Variants in ROBO2 observed in about 807,000 individuals in gnomAD.
ROBO2 encodes roundabout guidance receptor 2, also known as roundabout homolog 2.
Under a neutral mutation model 160.8 loss-of-function variants are expected in ROBO2, and 53 were observed. The ratio of observed to expected loss-of-function variants is 0.33; its 90% confidence interval spans 0.26 to 0.41. The LOEUF (loss-of-function observed/expected upper bound fraction) is 0.41, where lower values mean the gene tolerates loss of function less well. Among genes scored for constraint, ROBO2 ranks in the 10% least tolerant of loss-of-function variants. The pLI is 1.00. For missense variants in ROBO2, 1,577 were observed against 1,722.4 expected (o/e 0.92, Z 1.49); for synonymous variants, 664 against 611.7 (o/e 1.09, Z -1.26).
At chr3:76,644,927 C>T (rs1368522017) in intron 2 of ROBO2, among the ~76,000 whole-genome samples, 4 of 152,180 alleles carry the variant, frequency 2.6e-5, no homozygotes, top group Admixed American at 1.3e-4. Context: ...AATGGGCACT[C>T]AGAATTTTCT....
At chr3:76,855,875 A>G (rs1363097790) in intron 2 of ROBO2, among the ~76,000 whole-genome samples, 1 of 152,232 alleles carries the variant, frequency 6.6e-6, no homozygotes, top group East Asian at 1.9e-4. Flanking sequence ...AGCCAGAAAA[A>G]AAATGACTAA....
rs186076453 is a variant in ROBO2, at chr3:76,211,606, A to T, written c.109+274004A>T. 1.4e-3 allele frequency among the ~76,000 whole-genome samples: 217 copies of T among 152,238 alleles called. 1 individual carries two copies. The highest frequency in any genetic ancestry group is 4.9e-3 in the African/African-American group (203 of 41,584). ...TTTTTAGCATCATAGAAGACAAATC[A>T]TAATTATGGAGAATAATTAAATGCT... On this transcript the variant is annotated intron_variant, in intron 2 of 26. Coordinates refer to the ROBO2 transcript ENST00000487694.
chr3:76,768,317 C>T (rs796316247), intron 2 of ROBO2, among the ~76,000 whole-genome samples: 42 of 151,490 alleles, frequency 2.8e-4, no homozygotes, highest in African/African-American at 9.7e-4. Flanking sequence ...ATAATTTGCT[C>T]CAGGCAGCAT....
chr3:76,417,207 A>C (rs1035188497), intron 2 of ROBO2, among the ~76,000 whole-genome samples: 19 of 152,214 alleles, frequency 1.2e-4, no homozygotes, highest in African/African-American at 4.6e-4. Context: ...ATTGCCATAG[A>C]AATAACCTAA....
At position 77,009,945 on chromosome 3, in the gene ROBO2, TAA is replaced by T. The variant is rs11436984; in HGVS notation, c.110-88048_110-88047del. Among the ~76,000 whole-genome samples the T allele has an allele frequency of 3.9e-4, 41 of 104,444 alleles. No individual in the cohort carries two copies. The East Asian group carries it at 5.1e-3, about 13-fold the overall frequency. The allele number at this position is 104,444 out of a possible 152,430, so 68.5% of individuals were successfully genotyped here. ...TGAGTGACAGAGTGAGACTCTGTCT[TAA>T]AAAAAAAAAAAAAAAAAAAAGTCAC... On this transcript the variant is annotated intron_variant, in intron 2 of 26. Transcript: ENST00000487694.
rs138257088 is a variant in ROBO2 at position 76,347,413 on chromosome 3, T to G, written c.109+409811T>G. ...TTGTGTGTGATGATGTTAGTGTGTG[T>G]GCATTTTTAGGTGTGAATTCTCACT... On this transcript the variant is annotated intron_variant, in intron 2 of 26. Transcript: ENST00000487694. 2.2e-4 allele frequency among the ~76,000 whole-genome samples: 33 copies of G among 152,256 alleles called. No homozygotes were observed. In the East Asian group the frequency reaches 5.8e-3, roughly 27 times the overall value.
At chr3:76,534,673 G>A (rs1322350153) in intron 2 of ROBO2, among the ~76,000 whole-genome samples, 2 of 152,086 alleles carry the variant, frequency 1.3e-5, no homozygotes, top group African/African-American at 4.8e-5. Flanking sequence ...CAAACATGTG[G>A]AACTGGCCCC....
chr3:76,888,179 C>G (rs1245087542), intron 2 of ROBO2, among the ~76,000 whole-genome samples: 2 of 152,010 alleles, frequency 1.3e-5, no homozygotes, highest in African/African-American at 4.8e-5. Context: ...ACCAGCCTGG[C>G]TAATGTGGTG....
At chr3:77,570,755 A>C (rs994384221) in intron 13 of ROBO2, among the ~76,000 whole-genome samples, 1 of 152,010 alleles carries the variant, frequency 6.6e-6, no homozygotes, top group African/African-American at 2.4e-5. Flanking sequence ...TAAATTATCA[A>C]AATGTTAGCA....
intron 2 of ROBO2, among the ~76,000 whole-genome samples, chr3:77,181,254 CTCAATT>C (rs2080754868): frequency 6.6e-6 from 1 of 152,060 alleles, no homozygotes; most frequent in Non-Finnish European, 1.5e-5. Context: ...TCCTGTTAGG[CTCAATT>C]AGATGATGTA....
At chr3:77,163,070 A>G (rs1323661901) in intron 2 of ROBO2, among the ~76,000 whole-genome samples, 1 of 152,048 alleles carries the variant, frequency 6.6e-6, no homozygotes, top group East Asian at 1.9e-4. Flanking sequence ...TCCTGACCTC[A>G]GGTGATCCGC....
rs539620383 is a variant in ROBO2 at position 77,293,632 on chromosome 3, G to A, written c.389-183782G>A. ...CACAAAGTAAAATTGACGGTTAAAC[G>A]GGTAAGCTGAGGCTAGATCACCCAG... On this transcript the variant is annotated intron_variant, in intron 2 of 25. Coordinates refer to ENST00000461745, the Ensembl canonical transcript of ROBO2. 3.5e-5 allele frequency among the ~76,000 whole-genome samples: 5 copies of A among 144,098 alleles called. No individual in the cohort carries two copies. In the South Asian group the frequency reaches 6.6e-4, roughly 19 times the overall value. 94.5% of individuals were successfully genotyped at this position (144,098 alleles called of 152,430 possible).
intron 2 of ROBO2, among the ~76,000 whole-genome samples, chr3:77,031,354 C>T (rs2149554250): frequency 6.6e-6 from 1 of 151,288 alleles, no homozygotes; most frequent in Non-Finnish European, 1.5e-5. Context: ...CAAAAAAACA[C>T]ACTTTTCTCT....
At chr3:77,376,593 C>T (rs939634421) in intron 2 of ROBO2, among the ~76,000 whole-genome samples, 1 of 152,136 alleles carries the variant, frequency 6.6e-6, no homozygotes. Flanking sequence ...AGTCACTTTC[C>T]TAGAAGCCGT....
chr3:77,361,046 G>C (rs2069908657), intron 2 of ROBO2, among the ~76,000 whole-genome samples: 1 of 151,948 alleles, frequency 6.6e-6, no homozygotes, highest in Non-Finnish European at 1.5e-5. Context: ...TTTCTATCAG[G>C]CATATCTATT....
chr3:76,931,753 C>T (rs935348139), intron 2 of ROBO2, among the ~76,000 whole-genome samples: 1 of 152,134 alleles, frequency 6.6e-6, no homozygotes, highest in African/African-American at 2.4e-5. Context: ...ATGATCTCAG[C>T]TCACTGCAGC....
intron 1 of ROBO2, among the ~76,000 whole-genome samples, chr3:77,080,461 T>G (rs1203187361): frequency 6.6e-6 from 1 of 152,174 alleles, no homozygotes; most frequent in Non-Finnish European, 1.5e-5. Flanking sequence ...GGCCAGCAGA[T>G]TATGGGAGAA....
At chr3:76,309,305 A>C (rs1281008469) in intron 2 of ROBO2, among the ~76,000 whole-genome samples, 1 of 152,234 alleles carries the variant, frequency 6.6e-6, no homozygotes, top group Non-Finnish European at 1.5e-5. Context: ...GTATGCAAAG[A>C]CATGGAATTT....
At chr3:76,278,153 A>G (rs1173136628) in intron 2 of ROBO2, among the ~76,000 whole-genome samples, 1 of 151,970 alleles carries the variant, frequency 6.6e-6, no homozygotes, top group Admixed American at 6.6e-5. Flanking sequence ...GAGCAAGACT[A>G]ATTGGGTGAT....
Sources: allele counts gnomAD v4.1 joint callset (sites outside exome capture counted in the v4.1 genomes callset), GRCh38; gene constraint gnomAD v4.1.1; transcripts MANE v1.5; gene names NCBI Gene and HGNC (gene_info 2026-07-23, HGNC 2026-07-21).